The following SCRN1 variants were observed in gnomAD, a reference collection of about 807,000 sequenced individuals.
The protein encoded by SCRN1 is secernin-1.
SCRN1 carries 19 observed loss-of-function variants against 43.3 expected under a neutral mutation model. The observed-to-expected ratio is 0.44, with a 90% CI of 0.31 to 0.64. The LOEUF is 0.64. SCRN1 is among the 30% of genes least tolerant of loss of function. The pLI is 0.09. For synonymous variants in SCRN1, 183 were observed against 188.9 expected (o/e 0.97, Z 0.26); for missense variants, 447 against 524.1 (o/e 0.85, Z 1.44).
intron 3 of SCRN1, among the ~76,000 whole-genome samples, chr7:29,946,300 G>A (rs1395707803): frequency 3.9e-5 from 6 of 152,160 alleles, no homozygotes; most frequent in Admixed American, 6.5e-5. Context: ...TTGAGGCTCC[G>A]GAACAAACAA....
At chr7:29,977,563 G>C (rs1031905210) in intron 1 of SCRN1, among the ~76,000 whole-genome samples, 1 of 152,194 alleles carries the variant, frequency 6.6e-6, no homozygotes, top group Non-Finnish European at 1.5e-5. Context: ...ATCAAGCTCT[G>C]CCCAAAAGAA....
intron 2 of SCRN1, among the ~76,000 whole-genome samples, chr7:29,962,133 ATAAT>A (rs957264673): frequency 6.0e-5 from 9 of 150,258 alleles, no homozygotes; most frequent in African/African-American, 2.2e-4. Context: ...CACCTAGTAT[ATAAT>A]TAGTTTCATA....
intron 1 of SCRN1, among the ~76,000 whole-genome samples, chr7:29,988,068 G>C (rs965959416): frequency 1.8e-4 from 28 of 152,134 alleles, no homozygotes; most frequent in Admixed American, 1.1e-3. Context: ...ATTCTAAAAT[G>C]AGTCACCTTT....
intron 3 of SCRN1, among the ~76,000 whole-genome samples, chr7:29,944,584 G>C (rs1424003915): frequency 1.3e-5 from 2 of 148,606 alleles, no homozygotes; most frequent in African/African-American, 5.0e-5. Flanking sequence ...GATCGCTTAA[G>C]CCAAGCAGGT....
intron 3 of SCRN1, among the ~76,000 whole-genome samples, chr7:29,951,705 T>C (rs1787928324): frequency 6.6e-6 from 1 of 152,176 alleles, no homozygotes; most frequent in Non-Finnish European, 1.5e-5. Context: ...AAGCTTAGCT[T>C]TGAGATAAAT....
At chr7:29,964,857 G>T (rs1189802079) in intron 2 of SCRN1, among the ~76,000 whole-genome samples, 1 of 152,060 alleles carries the variant, frequency 6.6e-6, no homozygotes, top group East Asian at 1.9e-4. Context: ...CAAGAGCATC[G>T]CTTGAACCCG....
intron 3 of SCRN1, among the ~76,000 whole-genome samples, chr7:29,945,511 C>T (rs1787708437): frequency 6.6e-6 from 1 of 152,160 alleles, no homozygotes; most frequent in Non-Finnish European, 1.5e-5. Context: ...AAAATGAACG[C>T]CCACATCATT....
intron 1 of SCRN1, among the ~76,000 whole-genome samples, chr7:29,982,422 G>A (rs1397863213): frequency 1.3e-5 from 2 of 151,592 alleles, no homozygotes; most frequent in African/African-American, 2.4e-5. Context: ...GCCCATGCCT[G>A]TAATCACAGT....
intron 3 of SCRN1, among the ~76,000 whole-genome samples, chr7:29,947,899 C>T (rs1338810611): frequency 1.3e-5 from 2 of 152,138 alleles, no homozygotes; most frequent in Admixed American, 6.5e-5. Context: ...GGAAGATGGC[C>T]GTCTGCAAAC....
chr7:29,987,376 T>C (rs552702760), intron 1 of SCRN1, among the ~76,000 whole-genome samples: 4 of 152,340 alleles, frequency 2.6e-5, no homozygotes, highest in African/African-American at 9.6e-5. Flanking sequence ...TATTTACTTT[T>C]ACTTAAAATT....
chr7:29,969,297 A>G (rs1213008966), intron 1 of SCRN1: 1 of 536,570 alleles, frequency 1.9e-6, no homozygotes, highest in Non-Finnish European at 3.3e-6. Flanking sequence ...ATGAGCTCAG[A>G]TTTGCAACAA....
At position 29,950,179 on chromosome 7, in the gene SCRN1, T is replaced by A. The variant is rs936355302; in HGVS notation, c.341+5000A>T. Reference sequence around the variant, plus strand: ...TACAGGCTTGGAAGTGCCTGCTTCCTGCTCCCTGACCTCTTCCCGCTTCCC... The same window carrying A: ...TACAGGCTTGGAAGTGCCTGCTTCCAGCTCCCTGACCTCTTCCCGCTTCCC... On this transcript the variant is annotated intron_variant, in intron 3 of 7. Coordinates refer to ENST00000242059, the MANE Select transcript of SCRN1 (RefSeq NM_014766.5). The surrounding 1 kb of genome is among the most constrained non-coding windows in gnomAD (Gnocchi z 4.5). Among the ~76,000 whole-genome samples the A allele has an allele frequency of 6.6e-6, 1 of 152,190 alleles. No homozygotes were observed. Among genetic ancestry groups the A allele is most frequent in the Non-Finnish European group, 1.5e-5 (1 of 68,018 alleles).
Position 29,989,750 on chromosome 7 carries a change from T to TGCAGCTGCAGTGGCGGAG in SCRN1, c.-128_-111dup. On this transcript the variant is annotated 5_prime_UTR_variant, in exon 1 of 8. Transcript: ENST00000242059. ...GGATTACTGCGGCGACCTCGGGGGC[T>TGCAGCTGCAGTGGCGGAG]GCAGCTGCAGTGGCGGAGGCGGCCG... 2 of 986,334 alleles carry TGCAGCTGCAGTGGCGGAG rather than the reference T, an allele frequency of 2.0e-6. No individual in the cohort carries two copies. Among genetic ancestry groups the TGCAGCTGCAGTGGCGGAG allele is most frequent in the Non-Finnish European group, 2.4e-6 (2 of 830,798 alleles). The allele number at this position is 986,334 out of a possible 1,614,324, so 61.1% of individuals were successfully genotyped here.
At chr7:29,955,705 G>C (rs1396410419) in intron 2 of SCRN1, among the ~76,000 whole-genome samples, 1 of 152,108 alleles carries the variant, frequency 6.6e-6, no homozygotes, top group Admixed American at 6.6e-5. Context: ...AGCTATTTAC[G>C]AGCCCTACCT....
intron 1 of SCRN1, chr7:29,988,926 A>G (rs1441521743): frequency 6.6e-6 from 1 of 152,234 alleles, no homozygotes; most frequent in Non-Finnish European, 1.5e-5. Flanking sequence ...TGAGGTCGCC[A>G]AATACTCGAC....
At chr7:29,936,425 T>C in intron 6 of SCRN1, 131 bp downstream of exon 6, 1 of 740,140 alleles carries the variant, frequency 1.4e-6, no homozygotes, top group Non-Finnish European at 2.1e-6. Flanking sequence ...CTGCCCACAC[T>C]GAAGCTGACT....
chr7:29,986,518 GC>G (rs1562826592), intron 1 of SCRN1, among the ~76,000 whole-genome samples: 1 of 151,856 alleles, frequency 6.6e-6, no homozygotes, highest in Non-Finnish European at 1.5e-5. Context: ...GAGGCTGGTG[GC>G]TACCAGATGA....
intron 6 of SCRN1, among the ~76,000 whole-genome samples, chr7:29,929,515 G>A (rs1787087672): frequency 6.6e-6 from 1 of 152,212 alleles, no homozygotes; most frequent in South Asian, 2.1e-4. Context: ...CGCATCTCAG[G>A]ACTCTTCTGA....
At chr7:29,933,016 A>T (rs1293935424) in intron 6 of SCRN1, among the ~76,000 whole-genome samples, 1 of 151,880 alleles carries the variant, frequency 6.6e-6, no homozygotes, top group Non-Finnish European at 1.5e-5. Flanking sequence ...ACCTGGGATT[A>T]CAGGCGTGCA....
Sources: gnomAD v4.1 joint callset for allele counts (sites outside exome capture counted in the v4.1 genomes callset) on GRCh38, gnomAD v4.1.1 for gene constraint, Gnocchi (gnomAD v3.1) non-coding constraint, MANE v1.5 for transcripts, NCBI Gene and HGNC (gene_info 2026-07-23, HGNC 2026-07-21) for gene names.